DMD: variants seen among roughly 807,000 people sequenced by gnomAD.
DMD encodes the protein mutant dystrophin.
In DMD, 63 loss-of-function variants were observed where a neutral mutation model predicts 330.1. The ratio of observed to expected loss-of-function variants is 0.19; its 90% CI spans 0.16 to 0.24. The LOEUF (loss-of-function observed/expected upper bound fraction) is 0.24, where lower values mean the gene tolerates loss of function less well. DMD is among the 10% of genes least tolerant of loss of function. DMD has a pLI of 1.00. For synonymous variants in DMD, 1,223 were observed against 959.8 expected, an observed-to-expected ratio of 1.27 and a Z score of -5.07; for missense variants, 3,344 against 2,684.1, an observed-to-expected ratio of 1.25 and a Z score of -5.43.
At chrX:32,715,469 C>CAAAAAAAAAAAA (rs61325834) in intron 7 of DMD, among the ~76,000 whole-genome samples, 2 of 17,214 alleles carry the variant, frequency 1.2e-4, no homozygotes, top group Non-Finnish European at 2.4e-4. Flanking sequence ...GAGATTCCAT[C>CAAAAAAAAAAAA]AAAAAAAAAA....
chrX:32,794,258 T>C (rs73621835), intron 7 of DMD, among the ~76,000 whole-genome samples: 1 of 111,502 alleles, frequency 9.0e-6, no homozygotes, highest in Non-Finnish European at 1.9e-5. Flanking sequence ...ACAAGTAGTA[T>C]CAAACTGAAT....
chrX:33,238,745 A>G (rs1363237104), intron 1 of DMD, among the ~76,000 whole-genome samples: 1 of 111,570 alleles, frequency 9.0e-6, no homozygotes, highest in Non-Finnish European at 1.9e-5. Flanking sequence ...GTTAAACCCT[A>G]AAACATATGC....
intron 1 of DMD, among the ~76,000 whole-genome samples, chrX:33,254,955 A>T (rs2052832710): frequency 9.1e-6 from 1 of 110,423 alleles, no homozygotes; most frequent in Non-Finnish European, 1.9e-5. Context: ...ACACCATTTT[A>T]TTTTCTTATA....
chrX:32,771,308 G>C (rs16990669), intron 7 of DMD, among the ~76,000 whole-genome samples: 3,029 of 111,347 alleles, frequency 0.027, 107 homozygotes, highest in African/African-American at 0.094. Flanking sequence ...TTCTCATTTA[G>C]TGATCATGCC....
At chrX:31,716,941 G>T (rs2085110568) in intron 52 of DMD, among the ~76,000 whole-genome samples, 1 of 109,756 alleles carries the variant, frequency 9.1e-6, no homozygotes, top group South Asian at 3.9e-4. Flanking sequence ...TTTGGGGAAA[G>T]AATACCCATC....
intron 78 of DMD, among the ~76,000 whole-genome samples, chrX:31,123,809 A>G (rs1211087587): frequency 8.9e-6 from 1 of 112,128 alleles, no homozygotes; most frequent in Non-Finnish European, 1.9e-5. Flanking sequence ...TAGAAAACAT[A>G]TTACAAAACA....
intron 2 of DMD, among the ~76,000 whole-genome samples, chrX:32,902,739 C>A (rs1257969169): frequency 1.8e-5 from 2 of 109,953 alleles, no homozygotes; most frequent in Non-Finnish European, 3.8e-5. Context: ...CAGGAAGCAG[C>A]ATATATAGGA....
At chrX:31,887,278 G>A (rs2094168473) in intron 47 of DMD, among the ~76,000 whole-genome samples, 1 of 112,007 alleles carries the variant, frequency 8.9e-6, no homozygotes, top group Non-Finnish European at 1.9e-5. Context: ...AAAGTAAGTG[G>A]GATGATAGAG....
rs375948496 is a variant in DMD at position 31,304,152 on chromosome X, G to A, written c.9224+19446C>T. Among the ~76,000 whole-genome samples, 24 of 111,910 alleles carry A rather than the reference G, an allele frequency of 2.1e-4. No individual in the cohort carries two copies. The East Asian group carries it at 3.1e-3, about 14-fold the overall frequency. On this transcript the variant is annotated intron_variant, in intron 62 of 78. Coordinates refer to ENST00000357033, the MANE Select transcript of DMD (RefSeq NM_004006.3). ...TTTCTACTTTTACAAATATAACTGA[G>A]GTTAAACAAAATATACCCAGTAAAA...
intron 53 of DMD, among the ~76,000 whole-genome samples, chrX:31,672,564 C>T (rs2081865992): frequency 8.9e-6 from 1 of 111,936 alleles, no homozygotes; most frequent in African/African-American, 3.2e-5. Flanking sequence ...TCAGTTTTTG[C>T]TTTCTGTATT....
chrX:32,564,666 A>C (rs1460236922), intron 16 of DMD, among the ~76,000 whole-genome samples: 1 of 111,997 alleles, frequency 8.9e-6, no homozygotes, highest in Admixed American at 9.5e-5. Flanking sequence ...TTAACGTAAA[A>C]TTGGATTAAA....
intron 60 of DMD, among the ~76,000 whole-genome samples, chrX:31,376,479 T>G (rs1235500476): frequency 9.0e-6 from 1 of 111,352 alleles, no homozygotes; most frequent in Non-Finnish European, 1.9e-5. Context: ...GTAGAGGACT[T>G]TAAAGTGGTT....
Position 32,310,199 on chromosome X carries a change from A to G in DMD, c.6000T>C (p.Tyr2000=), listed in dbSNP as rs398124002. The G allele has an allele frequency of 8.3e-7, 1 of 1,207,616 alleles. No homozygotes were observed. Among genetic ancestry groups the G allele is most frequent in the African/African-American group, 1.8e-5 (1 of 57,140 alleles). ...GTGAGACATGAGTGATTTCAGTCAA[A>G]TAAGTAGAAGGCACATAAGAAATTT... The part of the protein sequence containing the change: ...PLEISYVPST[Y]LTEITHVSQA... The change falls in exon 42 of 79, where the codon TAT becomes TAC. Residue 2000 remains tyrosine (Y), a synonymous_variant. Coordinates refer to ENST00000357033, the MANE Select transcript of DMD (RefSeq NM_004006.3).
chrX:31,805,645 A>G (rs773618787), intron 50 of DMD, among the ~76,000 whole-genome samples: 1 of 111,989 alleles, frequency 8.9e-6, no homozygotes, highest in African/African-American at 3.2e-5. Context: ...ATTTTTTCAA[A>G]TGATAGTGGA....
intron 67 of DMD, among the ~76,000 whole-genome samples, chrX:31,196,014 A>T (rs1476522036): frequency 1.8e-5 from 2 of 112,113 alleles, no homozygotes; most frequent in Admixed American, 9.4e-5. Flanking sequence ...CTATCTTCAA[A>T]ATTCTGGTGA....
chrX:32,719,706 T>A (rs1393794459), intron 7 of DMD, among the ~76,000 whole-genome samples: 1 of 111,535 alleles, frequency 9.0e-6, no homozygotes, highest in African/African-American at 3.3e-5. Context: ...TTATTTTCAC[T>A]GCTTGGAATG....
At chrX:31,587,616 A>AT (rs1451041102) in intron 55 of DMD, among the ~76,000 whole-genome samples, 5 of 111,210 alleles carry the variant, frequency 4.5e-5, no homozygotes, top group African/African-American at 1.3e-4. Context: ...CAGTGAATGT[A>AT]TTTTTTTTCC....
At chrX:32,529,298 C>A (rs2047237478) in intron 17 of DMD, among the ~76,000 whole-genome samples, 1 of 107,378 alleles carries the variant, frequency 9.3e-6, no homozygotes, top group African/African-American at 3.4e-5. Context: ...CAAGCTGCAC[C>A]CCAACCACCT....
intron 51 of DMD, among the ~76,000 whole-genome samples, chrX:31,770,338 G>A (rs1388732701): frequency 8.9e-6 from 1 of 111,793 alleles, no homozygotes; most frequent in African/African-American, 3.2e-5. Flanking sequence ...GGCAACAAAG[G>A]ATTCCCATTA....
Sources: allele counts gnomAD v4.1 joint callset (sites outside exome capture counted in the v4.1 genomes callset), GRCh38; gene constraint gnomAD v4.1.1; transcripts MANE v1.5; gene names NCBI Gene and HGNC (gene_info 2026-07-23, HGNC 2026-07-21).